Variants in MUC5AC observed in about 807,000 individuals in gnomAD.
MUC5AC encodes the protein mucin 5AC, oligomeric mucus/gel-forming.
A neutral mutation model predicts 169.7 loss-of-function variants in MUC5AC; 158 were observed. The observed-to-expected ratio is 0.93, with a 90% CI of 0.82 to 1.06. MUC5AC has a LOEUF of 1.06. MUC5AC is among the 50% of genes least tolerant of loss of function. The pLI, the probability that MUC5AC is intolerant of heterozygous loss-of-function variation, is 0.00. For synonymous variants in MUC5AC, 1,975 were observed against 1,237.0 expected (o/e 1.60, Z -12.52); for missense variants, 4,359 against 3,089.9 (o/e 1.41, Z -9.74).
chr11:1,165,189 C>A, intron 9 of MUC5AC, 113 bp from the exon 10 acceptor site: 1 of 1,007,912 alleles, frequency 9.9e-7, no homozygotes. Context: ...CGTCCTGGGC[C>A]CCTGGAGCTG....
intron 24 of MUC5AC, among the ~76,000 whole-genome samples, chr11:1,178,071 C>G (rs1015266937): frequency 6.6e-6 from 1 of 152,246 alleles, no homozygotes; most frequent in East Asian, 1.9e-4. Flanking sequence ...TATAAGGACA[C>G]CAGGCATTGG....
chr11:1,163,344 C>G (rs186994238), intron 6 of MUC5AC, among the ~76,000 whole-genome samples: 1 of 152,338 alleles, frequency 6.6e-6, no homozygotes, highest in Admixed American at 6.5e-5. Context: ...CCTTCTTGGT[C>G]TTTGAGTCTC....
Position 1,187,403 on chromosome 11 carries a change from T to G in MUC5AC, c.9258T>G (p.Ser3086=). ...TTSAPTTSTT[S]AATTSTISAP... ...CTGCTCCTACAACCAGCACAACCTC[T>G]GCCGCTACAACCAGCACAATCTCGG... The change falls in exon 31 of 49, where the codon TCT becomes TCG. Residue 3086 remains serine, a synonymous_variant. Coordinates refer to ENST00000621226, the MANE Select transcript of MUC5AC (RefSeq NM_001304359.2). The G allele has an allele frequency of 1.4e-6, 1 of 737,438 alleles. No individual in the cohort carries two copies. The allele number at this position is 737,438 out of a possible 1,614,324, so 45.7% of individuals were successfully genotyped here. A position where few individuals can be genotyped will look rare whatever the true frequency, so the allele number is the denominator to read the frequency against.
In MUC5AC at chr11:1,161,558, A is replaced by G; in HGVS notation, c.183A>G (p.Pro61=). 1 of 1,609,726 alleles carries G rather than the reference A, an allele frequency of 6.2e-7. No individual in the cohort carries two copies. The highest frequency in any genetic ancestry group is 1.1e-5 in the South Asian group (1 of 90,912). The change falls in exon 3 of 49, where the codon CCA becomes CCG. Residue 61 remains proline, a synonymous_variant. Transcript: ENST00000621226. ...GVPLRGATVF[P]SLRTIPVVRA... ...CGCTCCGTGGGGCGACTGTCTTCCC[A>G]TCTCTGAGGACCATCCCTGTGGTAC...
Position 1,197,962 on chromosome 11 carries a change from C to G in MUC5AC, c.16093C>G (p.Pro5365Ala), listed in dbSNP as rs1254761123. The change falls in exon 42 of 49, where the codon CCG becomes GCG. Residue 5365 changes from proline to alanine, a missense_variant. Coordinates refer to ENST00000621226, the MANE Select transcript of MUC5AC (RefSeq NM_001304359.2). ...VGCPEGARAI[P>A]TYQEGACCPV... ...CTGTCCTGAGGGCGCCCGCGCGATC[C>G]CGACCTACCAGGAGGGGGCCTGCTG... 1.4e-6 allele frequency: 1 copy of G among 735,572 alleles called. No individual in the cohort carries two copies. The highest frequency in any genetic ancestry group is 2.5e-6 in the Non-Finnish European group (1 of 404,420). The allele number at this position is 735,572 out of a possible 1,614,324, so 45.6% of individuals were successfully genotyped here.
chr11:1,188,614 C>T lies in MUC5AC; in HGVS notation c.10469C>T (p.Thr3490Ile). 2.6e-6 allele frequency: 2 copies of T among 765,048 alleles called. No individual in the cohort carries two copies. Among genetic ancestry groups the T allele is most frequent in the South Asian group, 2.7e-5 (2 of 74,586 alleles). The allele number at this position is 765,048 out of a possible 1,614,324, so 47.4% of individuals were successfully genotyped here. The change falls in exon 31 of 49, where the codon ACC becomes ATC. Residue 3490 changes from threonine to isoleucine, a missense_variant. Physicochemically the swap from Thr to Ile is moderately conservative, Grantham distance 89 (BLOSUM62 -1). Transcript: ENST00000621226. Reference protein sequence around the residue: ...SGSGTTPSPVTTTSTASVSKT... With the variant: ...SGSGTTPSPVITTSTASVSKT... ...TCTGGAACTACTCCCAGCCCTGTTA[C>T]CACCACCAGCACAGCCTCTGTTTCA...
At chr11:1,180,962 C>T (rs1860803980) in intron 28 of MUC5AC, among the ~76,000 whole-genome samples, 177 bp from the exon 29 acceptor site, 1 of 152,146 alleles carries the variant, frequency 6.6e-6, no homozygotes, top group Non-Finnish European at 1.5e-5. Flanking sequence ...GGAGAGACAA[C>T]TGCTGGGACC....
At position 1,188,712 on chromosome 11, in the gene MUC5AC, C is replaced by T. The variant is rs1352450545; in HGVS notation, c.10567C>T (p.Arg3523Trp). The change falls in exon 31 of 49, where the codon CGG becomes TGG. Residue 3523 changes from arginine (R) to tryptophan (W), a missense_variant. Coordinates refer to ENST00000621226, the MANE Select transcript of MUC5AC (RefSeq NM_001304359.2). ...SQPVTRDCHP[R>W]CTWTKWFDVD... ...ACCAGTCACCAGAGACTGTCATCCC[C>T]GGTGCACCTGGACCAAATGGTTTGA... 55 of 764,658 alleles carry T rather than the reference C, an allele frequency of 7.2e-5. 1 individual carries two copies. The highest frequency in any genetic ancestry group is 2.2e-4 in the Middle Eastern group (1 of 4,460). The allele number at this position is 764,658 out of a possible 1,614,324, so 47.4% of individuals were successfully genotyped here.
rs1341485152 is a variant in MUC5AC at position 1,176,673 on chromosome 11, G to A, written c.2654+8G>A. On this transcript the variant is annotated splice_region_variant and intron_variant, in intron 21 of 48. Coordinates refer to ENST00000621226, the MANE Select transcript of MUC5AC (RefSeq NM_001304359.2). ...GGTGGGCTGCAACACCTGGTATGCCGGGGGCTCAAAGCCCATGGGGGGTGT... is the reference window on the plus strand; with the variant it reads ...GGTGGGCTGCAACACCTGGTATGCCAGGGGCTCAAAGCCCATGGGGGGTGT... The A allele has an allele frequency of 1.0e-5, 4 of 398,512 alleles. No homozygotes were observed. The highest frequency in any genetic ancestry group is 8.8e-6 in the Non-Finnish European group (2 of 226,062). 24.7% of individuals were successfully genotyped at this position (398,512 alleles called of 1,614,324 possible).
At position 1,199,479 on chromosome 11, in the gene MUC5AC, A is replaced by C; in HGVS notation, c.16504A>C (p.Ser5502Arg). 2 of 715,238 alleles carry C rather than the reference A, an allele frequency of 2.8e-6. No individual in the cohort carries two copies. The highest frequency in any genetic ancestry group is 2.6e-6 in the Non-Finnish European group (1 of 392,134). The allele number at this position is 715,238 out of a possible 1,614,324, so 44.3% of individuals were successfully genotyped here. The change falls in exon 46 of 49, where the codon AGC becomes CGC. Residue 5502 changes from serine (S) to arginine (R), a missense_variant. Ser to Arg is a moderately radical substitution (Grantham distance 110). Coordinates refer to ENST00000621226, the MANE Select transcript of MUC5AC (RefSeq NM_001304359.2). ...CACGAAGAAGGCGTGCCCCCCGCTC[A>C]GCTGTTCTCTGGTGAGGTCCAGGAT... ...VTTKKACPPLSCSLDEARMSK... is the reference protein window; with the variant it reads ...VTTKKACPPLRCSLDEARMSK...
At chr11:1,197,049 G>C in intron 40 of MUC5AC, 141 bp downstream of exon 40, 1 of 633,524 alleles carries the variant, frequency 1.6e-6, no homozygotes, top group Non-Finnish European at 2.8e-6. Flanking sequence ...CAGAGAAAGG[G>C]CTGCGGGAGG....
Position 1,200,805 on chromosome 11 carries a change from A to C in MUC5AC, c.*103A>C. On this transcript the variant is annotated 3_prime_UTR_variant, in exon 49 of 49. Transcript: ENST00000621226. ...CTTGTGCCCCTGTCCAGGCGGCTGCAGCTTTGAACACACTGTCCACGCCCG... is the reference window on the plus strand; with the variant it reads ...CTTGTGCCCCTGTCCAGGCGGCTGCCGCTTTGAACACACTGTCCACGCCCG... 1.5e-6 allele frequency: 1 copy of C among 658,742 alleles called. No homozygotes were observed. Among genetic ancestry groups the C allele is most frequent in the Non-Finnish European group, 2.7e-6 (1 of 364,656 alleles). The allele number at this position is 658,742 out of a possible 1,614,324, so 40.8% of individuals were successfully genotyped here.
In MUC5AC at chr11:1,158,361, G is replaced by C. The variant is rs141710403; in HGVS notation, c.73+289G>C. Among the ~76,000 whole-genome samples the C allele has an allele frequency of 3.2e-3, 489 of 152,324 alleles. 8 individuals carry two copies. Among genetic ancestry groups the C allele is most frequent in the African/African-American group, 0.011 (473 of 41,568 alleles). ...CCTCCCGGCCCGGATCCCTGCACCT[G>C]TCCCCAGAAGCCGACAGCACCTGGC... On this transcript the variant is annotated intron_variant, in intron 1 of 48. Coordinates refer to ENST00000621226, the MANE Select transcript of MUC5AC (RefSeq NM_001304359.2).
Position 1,196,071 on chromosome 11 carries a change from TC to T in MUC5AC, c.15637+19del. On this transcript the variant is annotated intron_variant, in intron 37 of 48. Transcript: ENST00000621226. ...ACATGTGCCGTGAGTGCCACCACTGTCCTCAGGGTCCCAAGTCGCTTGTGAG... is the reference window on the plus strand; with the variant it reads ...ACATGTGCCGTGAGTGCCACCACTGTCTCAGGGTCCCAAGTCGCTTGTGAG... 1 of 759,460 alleles carries T rather than the reference TC, an allele frequency of 1.3e-6. No homozygotes were observed. The highest frequency in any genetic ancestry group is 1.4e-5 in the South Asian group (1 of 74,028). The allele number at this position is 759,460 out of a possible 1,614,324, so 47.0% of individuals were successfully genotyped here. A position where few individuals can be genotyped will look rare whatever the true frequency, so the allele number is the denominator to read the frequency against.
At chr11:1,159,588 C>CT (rs1860071027) in intron 1 of MUC5AC, among the ~76,000 whole-genome samples, 6 of 30,022 alleles carry the variant, frequency 2.0e-4, no homozygotes, top group Non-Finnish European at 3.4e-4. Flanking sequence ...CGGGGCTGTG[C>CT]GGGGCTGTGC....
In MUC5AC at chr11:1,185,878, C is replaced by T. The variant is rs1348185591; in HGVS notation, c.7733C>T (p.Thr2578Met). ...PGTTPSPVPT[T>M]STTSAPTTST... is the part of the protein sequence containing the mutation. ...ACTACTCCCAGCCCTGTTCCTACCACGAGCACAACCTCTGCTCCTACAACC... is the reference window on the plus strand; with the variant it reads ...ACTACTCCCAGCCCTGTTCCTACCATGAGCACAACCTCTGCTCCTACAACC... The change falls in exon 31 of 49, where the codon ACG becomes ATG. Residue 2578 changes from threonine (T) to methionine (M), a missense_variant. By Grantham distance (81) the Thr-to-Met change is moderately conservative. Transcript: ENST00000621226. 35 of 746,822 alleles carry T rather than the reference C, an allele frequency of 4.7e-5. No homozygotes were observed. The highest frequency in any genetic ancestry group is 2.2e-4 in the African/African-American group (13 of 58,364). The allele number at this position is 746,822 out of a possible 1,614,324, so 46.3% of individuals were successfully genotyped here. A position where few individuals can be genotyped will look rare whatever the true frequency, so the allele number is the denominator to read the frequency against.
rs1800393843 is a variant in MUC5AC, at chr11:1,178,443, G to T, written c.3088-1G>T. ...CTCCACCTCTCCCGGTGCCTCTGCA[G>T]GGCAGGGTCTGCGGCCTGTGTGGGA... On this transcript the variant is annotated splice_acceptor_variant, in intron 24 of 48. Transcript: ENST00000621226. LOFTEE classifies it high-confidence loss of function. 4.7e-6 allele frequency: 3 copies of T among 643,332 alleles called. No individual in the cohort carries two copies. Among genetic ancestry groups the T allele is most frequent in the African/African-American group, 3.8e-5 (2 of 52,698 alleles). 39.9% of individuals were successfully genotyped at this position (643,332 alleles called of 1,614,324 possible).
chr11:1,178,724 C>A (rs1860744152), intron 25 of MUC5AC, 41 bp downstream of exon 25: 3 of 1,085,698 alleles, frequency 2.8e-6, no homozygotes, highest in Admixed American at 8.0e-5. Flanking sequence ...CCAAGGGGGT[C>A]ATGGTGACCC....
In MUC5AC at chr11:1,168,953, C is replaced by G. The variant is rs957303865; in HGVS notation, c.1797C>G (p.Thr599=). The G allele has an allele frequency of 4.3e-6, 7 of 1,611,532 alleles. 1 individual carries two copies. Among genetic ancestry groups the G allele is most frequent in the Non-Finnish European group, 5.1e-6 (6 of 1,179,300 alleles). Residue 599 remains threonine (T), a synonymous_variant, in exon 15 of 49, where the codon ACC becomes ACG. Coordinates refer to ENST00000621226, the MANE Select transcript of MUC5AC (RefSeq NM_001304359.2). ...VEATAAAFFN[T]FKTQAACPNI... ...CCACCGCTGCGGCCTTCTTCAACACCTTCAAGACCCAGGCCGCCTGCCCCA... is the reference window on the plus strand; with the variant it reads ...CCACCGCTGCGGCCTTCTTCAACACGTTCAAGACCCAGGCCGCCTGCCCCA...
Sources: gnomAD v4.1 joint callset for allele counts (sites outside exome capture counted in the v4.1 genomes callset) on GRCh38, gnomAD v4.1.1 for gene constraint, MANE v1.5 for transcripts, NCBI Gene and HGNC (gene_info 2026-07-23, HGNC 2026-07-21) for gene names.